OSBPL10: variants seen among roughly 807,000 people sequenced by gnomAD.
OSBPL10 encodes the protein oxysterol-binding protein-related protein 10.
Under a neutral mutation model 81.7 loss-of-function variants are expected in OSBPL10, and 49 were observed. The ratio of observed to expected loss-of-function variants is 0.60; its 90% confidence interval spans 0.48 to 0.76. The LOEUF (loss-of-function observed/expected upper bound fraction) is 0.76, where lower values mean the gene tolerates loss of function less well. OSBPL10 is among the 30% of genes least tolerant of loss of function. The pLI is 0.00. For missense variants in OSBPL10, 923 were observed against 987.8 expected (o/e 0.93, Z 0.88); for synonymous variants, 419 against 383.6 (o/e 1.09, Z -1.08).
At chr3:32,076,094 G>A (rs1699873119) in intron 1 of OSBPL10, among the ~76,000 whole-genome samples, 1 of 152,152 alleles carries the variant, frequency 6.6e-6, no homozygotes, top group East Asian at 1.9e-4. Context: ...ATATGGCCAG[G>A]CGCGGTGGCT....
intron 2 of OSBPL10, among the ~76,000 whole-genome samples, chr3:32,029,540 T>C (rs1024865400): frequency 3.9e-5 from 6 of 152,288 alleles, no homozygotes. Context: ...GATACGGATA[T>C]GTTCTGCCGG....
At chr3:32,000,892 A>C (rs1369447461) in intron 2 of OSBPL10, among the ~76,000 whole-genome samples, 1 of 152,180 alleles carries the variant, frequency 6.6e-6, no homozygotes, top group Non-Finnish European at 1.5e-5. Flanking sequence ...TTTCCAAACC[A>C]GAAAGCTTAG....
chr3:31,843,402 C>A (rs1265132602), intron 3 of OSBPL10, among the ~76,000 whole-genome samples: 1 of 152,208 alleles, frequency 6.6e-6, no homozygotes, highest in African/African-American at 2.4e-5. Flanking sequence ...CTGTAATCAG[C>A]ACAAAAGCAC....
intron 2 of OSBPL10, among the ~76,000 whole-genome samples, chr3:32,008,239 A>C (rs935452544): frequency 6.8e-6 from 1 of 146,870 alleles, no homozygotes; most frequent in Non-Finnish European, 1.5e-5. Flanking sequence ...GTGGCGCTCC[A>C]CCTCCCAGGT....
At chr3:31,896,058 G>A (rs1014771097) in intron 1 of OSBPL10, among the ~76,000 whole-genome samples, 2 of 151,806 alleles carry the variant, frequency 1.3e-5, no homozygotes, top group Non-Finnish European at 2.9e-5. Flanking sequence ...CTTAATTTAT[G>A]ATAATTAAAA....
intron 1 of OSBPL10, among the ~76,000 whole-genome samples, chr3:32,058,373 C>G (rs1031385594): frequency 1.1e-4 from 17 of 152,048 alleles, no homozygotes; most frequent in African/African-American, 3.9e-4. Context: ...CTCTGTCACC[C>G]AGGCTGGAGT....
chr3:31,700,780 G>A (rs896252951), intron 7 of OSBPL10, among the ~76,000 whole-genome samples: 1 of 152,062 alleles, frequency 6.6e-6, no homozygotes, highest in African/African-American at 2.4e-5. Flanking sequence ...ATAAAACATG[G>A]GCATCTTTTA....
Position 31,668,692 on chromosome 3 carries a change from C to A in OSBPL10, c.2046G>T (p.Val682=). Residue 682 remains valine, a synonymous_variant, in exon 10 of 12, where the codon GTG becomes GTT. Transcript: ENST00000396556. ...CAAGAGGTCTGATCTTCTTGGGATACACTGGCAGTGTGGTTGTGTCGATGA... is the reference window on the plus strand; with the variant it reads ...CAAGAGGTCTGATCTTCTTGGGATAAACTGGCAGTGTGGTTGTGTCGATGA... The part of the protein sequence containing the change: ...TKVIDTTTLP[V]YPKKIRPLEK... 1 of 1,614,094 alleles carries A rather than the reference C, an allele frequency of 6.2e-7. No homozygotes were observed. Among genetic ancestry groups the A allele is most frequent in the South Asian group, 1.1e-5 (1 of 91,062 alleles).
intron 1 of OSBPL10, among the ~76,000 whole-genome samples, chr3:31,967,335 G>T (rs946474391): frequency 6.6e-6 from 1 of 151,994 alleles, no homozygotes; most frequent in Admixed American, 6.6e-5. Flanking sequence ...GGCCTCAAGC[G>T]ATCCTCCTGC....
chr3:31,930,811 G>C (rs970163618), intron 1 of OSBPL10, among the ~76,000 whole-genome samples: 2 of 151,464 alleles, frequency 1.3e-5, no homozygotes, highest in African/African-American at 2.4e-5. Context: ...TCAGGAGATC[G>C]AGACCATCCT....
chr3:31,677,058 G>A (rs189244328), intron 8 of OSBPL10, among the ~76,000 whole-genome samples: 6 of 152,272 alleles, frequency 3.9e-5, no homozygotes, highest in South Asian at 2.1e-4. Context: ...ACGTATTTAC[G>A]TTCACAATTC....
intron 4 of OSBPL10, among the ~76,000 whole-genome samples, chr3:31,797,137 G>A (rs143981151): frequency 6.4e-4 from 97 of 151,824 alleles, no homozygotes; most frequent in African/African-American, 2.1e-3. Flanking sequence ...TGGGATTACA[G>A]GCATGCGCCA....
chr3:31,738,518 TC>T (rs1381089052), intron 5 of OSBPL10, among the ~76,000 whole-genome samples: 1 of 152,102 alleles, frequency 6.6e-6, no homozygotes, highest in Non-Finnish European at 1.5e-5. Context: ...AAAACATTCA[TC>T]CCCAGCCAAA....
At chr3:31,720,252 T>C (rs1379768241) in intron 6 of OSBPL10, among the ~76,000 whole-genome samples, 2 of 152,040 alleles carry the variant, frequency 1.3e-5, no homozygotes, top group Non-Finnish European at 2.9e-5. Context: ...AAAACCCTCC[T>C]CCTACTACTG....
At chr3:31,764,926 G>A (rs540834774) in intron 4 of OSBPL10, among the ~76,000 whole-genome samples, 5 of 152,120 alleles carry the variant, frequency 3.3e-5, no homozygotes, top group Admixed American at 3.3e-4. Flanking sequence ...CTTACAGGTT[G>A]TTTTCACCAG....
chr3:32,052,613 C>G (rs1699677677), intron 1 of OSBPL10, among the ~76,000 whole-genome samples: 1 of 152,264 alleles, frequency 6.6e-6, no homozygotes, highest in Middle Eastern at 3.4e-3. Flanking sequence ...CCACGGAATA[C>G]CATGCAGCCA....
chr3:31,733,539 G>A (rs1011516169), intron 5 of OSBPL10, 128 bp from the exon 6 acceptor site: 6 of 1,090,758 alleles, frequency 5.5e-6, no homozygotes, highest in East Asian at 4.8e-5. Context: ...CAGAGGGCTT[G>A]TTTTGAATGA....
At chr3:32,017,589 C>A (rs1699326769) in intron 2 of OSBPL10, among the ~76,000 whole-genome samples, 1 of 152,144 alleles carries the variant, frequency 6.6e-6, no homozygotes, top group Non-Finnish European at 1.5e-5. Flanking sequence ...CAGCTCTACC[C>A]TACCACTTCC....
chr3:32,075,693 A>G (rs973888604), intron 1 of OSBPL10, among the ~76,000 whole-genome samples: 4 of 152,108 alleles, frequency 2.6e-5, no homozygotes, highest in African/African-American at 9.7e-5. Context: ...TTATCTCTCC[A>G]TACCACCTCC....
Sources: allele counts gnomAD v4.1 joint callset (sites outside exome capture counted in the v4.1 genomes callset), GRCh38; gene constraint gnomAD v4.1.1; transcripts MANE v1.5; gene names NCBI Gene and HGNC (gene_info 2026-07-23, HGNC 2026-07-21).